ARHGEF3: variants seen among roughly 807,000 people sequenced by gnomAD.
ARHGEF3 encodes 59.8 kDA protein.
A neutral mutation model predicts 63.2 loss-of-function variants in ARHGEF3; 28 were observed. The ratio of observed to expected loss-of-function variants is 0.44; its 90% CI spans 0.33 to 0.61. The LOEUF is 0.61. Among genes scored for constraint, ARHGEF3 ranks in the 20% least tolerant of loss-of-function variants. The pLI is 0.03. For synonymous variants in ARHGEF3, 266 were observed against 254.2 expected, an observed-to-expected ratio of 1.05 and a Z score of -0.44; for missense variants, 533 against 659.3, an observed-to-expected ratio of 0.81 and a Z score of 2.10.
intron 2 of ARHGEF3, among the ~76,000 whole-genome samples, chr3:57,019,477 G>T (rs1703157368): frequency 6.6e-6 from 1 of 152,076 alleles, no homozygotes; most frequent in South Asian, 2.1e-4. Flanking sequence ...GAGCTGGAAT[G>T]GGGGCAGAGT....
At chr3:56,962,433 G>A (rs1026125622) in intron 2 of ARHGEF3, among the ~76,000 whole-genome samples, 6 of 152,200 alleles carry the variant, frequency 3.9e-5, no homozygotes, top group African/African-American at 7.2e-5. Context: ...CGTGTCTATC[G>A]TCTGTGTCCA....
chr3:57,041,126 G>C (rs2107257149), intron 1 of ARHGEF3, among the ~76,000 whole-genome samples: 1 of 152,268 alleles, frequency 6.6e-6, no homozygotes, highest in Middle Eastern at 3.4e-3. Context: ...CTCAAAAGCA[G>C]AACATCTCAA....
intron 1 of ARHGEF3, among the ~76,000 whole-genome samples, chr3:56,792,101 C>T (rs1221672078): frequency 5.2e-5 from 3 of 57,578 alleles, no homozygotes; most frequent in South Asian, 1.1e-3. Flanking sequence ...GAGACTCTGT[C>T]TCAAAAAAAA....
At chr3:56,908,931 C>A (rs992406971) in intron 3 of ARHGEF3, among the ~76,000 whole-genome samples, 4 of 152,130 alleles carry the variant, frequency 2.6e-5, no homozygotes, top group Middle Eastern at 3.2e-3. Flanking sequence ...TCATTCAGTT[C>A]AAAAATTCCC....
chr3:56,848,709 C>T (rs2039572034), intron 4 of ARHGEF3, among the ~76,000 whole-genome samples: 1 of 152,160 alleles, frequency 6.6e-6, no homozygotes, highest in Admixed American at 6.5e-5. Flanking sequence ...TCTTGTTGTC[C>T]AGGCTAGAGC....
At chr3:56,865,192 A>C (rs2040202174) in intron 4 of ARHGEF3, among the ~76,000 whole-genome samples, 1 of 152,200 alleles carries the variant, frequency 6.6e-6, no homozygotes, top group Non-Finnish European at 1.5e-5. Flanking sequence ...AATTTAAATG[A>C]AGTCGCAGCC....
intron 2 of ARHGEF3, among the ~76,000 whole-genome samples, chr3:56,997,441 G>A (rs6801499): frequency 0.31 from 46,418 of 151,854 alleles, 8,242 homozygotes; most frequent in Middle Eastern, 0.4. Flanking sequence ...GGTATCAAGA[G>A]GAAGATGGCT....
intron 7 of ARHGEF3, among the ~76,000 whole-genome samples, chr3:56,739,217 A>G (rs868827369): frequency 6.6e-6 from 1 of 152,164 alleles, no homozygotes; most frequent in Non-Finnish European, 1.5e-5. Flanking sequence ...GTAACTGAAA[A>G]GTACTTAACA....
chr3:56,991,862 G>A (rs1055040596), intron 2 of ARHGEF3, among the ~76,000 whole-genome samples: 2 of 152,144 alleles, frequency 1.3e-5, no homozygotes, highest in African/African-American at 4.8e-5. Context: ...TGATCCACCT[G>A]CCTCAGCCTC....
chr3:56,791,460 C>T (rs572070576), intron 1 of ARHGEF3, among the ~76,000 whole-genome samples: 5 of 152,272 alleles, frequency 3.3e-5, no homozygotes, highest in South Asian at 4.1e-4. Flanking sequence ...AACCAACAAA[C>T]GAAATACATC....
In ARHGEF3 at chr3:56,743,549, G is replaced by C. The variant is rs561171287; in HGVS notation, c.870+1656C>G. 4.6e-5 allele frequency among the ~76,000 whole-genome samples: 7 copies of C among 152,210 alleles called. No homozygotes were observed. In the East Asian group the frequency reaches 9.6e-4, roughly 21 times the overall value. On this transcript the variant is annotated intron_variant, in intron 7 of 9. Transcript: ENST00000296315. ...CCTAATAAGAACAGCTATCTCCTAG[G>C]CTGTTGTGACGGTTAAATGAGATAC...
intron 4 of ARHGEF3, among the ~76,000 whole-genome samples, chr3:56,868,326 A>T (rs2040323453): frequency 6.6e-6 from 1 of 151,914 alleles, no homozygotes; most frequent in Non-Finnish European, 1.5e-5. Flanking sequence ...GCTAAAAGCA[A>T]ATAAGTTAAT....
chr3:57,020,816 T>C (rs1193893428), intron 2 of ARHGEF3, among the ~76,000 whole-genome samples: 1 of 152,220 alleles, frequency 6.6e-6, no homozygotes, highest in African/African-American at 2.4e-5. Flanking sequence ...CCTATGGAGC[T>C]TGATCCTGAA....
At chr3:57,015,610 T>TC (rs1702962191) in intron 2 of ARHGEF3, among the ~76,000 whole-genome samples, 2 of 150,478 alleles carry the variant, frequency 1.3e-5, no homozygotes, top group African/African-American at 2.4e-5. Flanking sequence ...ATTTTTTTTT[T>TC]TTTTTTTTTT....
chr3:56,946,901 G>C (rs1267740574), intron 3 of ARHGEF3, among the ~76,000 whole-genome samples: 2 of 152,176 alleles, frequency 1.3e-5, no homozygotes. Flanking sequence ...CCCACAAAGG[G>C]AAGCCCATCA....
At chr3:56,994,629 C>G (rs1701901967) in intron 2 of ARHGEF3, among the ~76,000 whole-genome samples, 1 of 151,852 alleles carries the variant, frequency 6.6e-6, no homozygotes, top group Admixed American at 6.5e-5. Context: ...TTAATTGTCT[C>G]AAGATACTAG....
At chr3:56,775,278 A>T (rs977613107) in intron 1 of ARHGEF3, 2 of 1,269,516 alleles carry the variant, frequency 1.6e-6, no homozygotes, top group African/African-American at 3.1e-5. Flanking sequence ...TCCTGCTGAG[A>T]CACTCTCATG....
chr3:56,902,202 C>T (rs1177938396), intron 3 of ARHGEF3, among the ~76,000 whole-genome samples: 1 of 152,172 alleles, frequency 6.6e-6, no homozygotes, highest in Non-Finnish European at 1.5e-5. Flanking sequence ...TATTTTGCTG[C>T]TCTGCATGTG....
intron 4 of ARHGEF3, among the ~76,000 whole-genome samples, chr3:56,816,288 G>GA (rs2038267925): frequency 6.6e-6 from 1 of 152,170 alleles, no homozygotes; most frequent in African/African-American, 2.4e-5. Flanking sequence ...TCTCAAAGCT[G>GA]AGGGTTCTGT....
Sources: allele counts gnomAD v4.1 joint callset (sites outside exome capture counted in the v4.1 genomes callset), GRCh38; gene constraint gnomAD v4.1.1; transcripts MANE v1.5; gene names NCBI Gene and HGNC (gene_info 2026-07-23, HGNC 2026-07-21).